Variants in ATE1 observed in about 807,000 individuals in gnomAD.
ATE1 encodes arginyltransferase 1.
A neutral mutation model predicts 70.5 loss-of-function variants in ATE1; 36 were observed. The observed-to-expected ratio is 0.51, with a 90% CI of 0.39 to 0.67. ATE1 has a LOEUF of 0.67. Among genes scored for constraint, ATE1 ranks in the 30% least tolerant of loss-of-function variants. The pLI is 0.00. For missense variants in ATE1, 593 were observed against 629.5 expected (o/e 0.94, Z 0.62); for synonymous variants, 232 against 219.3 (o/e 1.06, Z -0.51).
chr10:121,916,246 CA>C (rs202202584), intron 3 of ATE1, among the ~76,000 whole-genome samples: 1 of 151,576 alleles, frequency 6.6e-6, no homozygotes, highest in African/African-American at 2.4e-5. Context: ...AAAACAACAA[CA>C]AAAAAAAGGA....
chr10:121,829,433 C>G (rs6585763), intron 10 of ATE1, among the ~76,000 whole-genome samples: 130,863 of 150,230 alleles, frequency 0.87, 57,332 homozygotes, highest in Middle Eastern at 0.94. Flanking sequence ...AAAAAGAAAA[C>G]AAAAAAAAAG....
intron 11 of ATE1, among the ~76,000 whole-genome samples, chr10:121,761,040 A>C (rs1945018628): frequency 6.6e-6 from 1 of 152,126 alleles, no homozygotes; most frequent in Non-Finnish European, 1.5e-5. Flanking sequence ...TCATTCTATT[A>C]GTTCCCACAA....
intron 10 of ATE1, among the ~76,000 whole-genome samples, chr10:121,827,007 G>A (rs1038196709): frequency 1.4e-5 from 2 of 141,402 alleles, no homozygotes; most frequent in South Asian, 2.3e-4. Flanking sequence ...CTTTACTGTT[G>A]ATGGGCAATA....
At chr10:121,886,637 CATTT>C (rs1401337129) in intron 7 of ATE1, among the ~76,000 whole-genome samples, 1 of 152,136 alleles carries the variant, frequency 6.6e-6, no homozygotes, top group African/African-American at 2.4e-5. Flanking sequence ...GTATAGCTCA[CATTT>C]ATTTCAATGT....
chr10:121,819,038 T>G (rs1324969340), intron 10 of ATE1, among the ~76,000 whole-genome samples: 1 of 152,240 alleles, frequency 6.6e-6, no homozygotes, highest in Non-Finnish European at 1.5e-5. Context: ...TTAAAATTAA[T>G]GTTTCTATGA....
At chr10:121,865,224 G>C (rs1426019381) in intron 8 of ATE1, among the ~76,000 whole-genome samples, 5 of 152,074 alleles carry the variant, frequency 3.3e-5, no homozygotes, top group Admixed American at 3.3e-4. Flanking sequence ...TAAGGGAAGT[G>C]GAAAGCACAG....
rs10603053 is a variant in ATE1 at position 121,851,090 on chromosome 10, C to CAAAAAAAAAA, written c.976-9837_976-9828dup. 4.4e-4 allele frequency among the ~76,000 whole-genome samples: 19 copies of CAAAAAAAAAA among 43,222 alleles called. 2 individuals are homozygous for CAAAAAAAAAA. Among genetic ancestry groups the CAAAAAAAAAA allele is most frequent in the African/African-American group, 7.9e-4 (8 of 10,128 alleles). The allele number at this position is 43,222 out of a possible 152,430, so 28.4% of individuals were successfully genotyped here. On this transcript the variant is annotated intron_variant, in intron 8 of 11. Transcript: ENST00000224652. ...TGGGCCACAAAGCGAGACTCCATCT[C>CAAAAAAAAAA]AAAAAAAAAAAAAAAAAAAAAAAAA...
At chr10:121,834,291 T>C (rs140568056) in intron 10 of ATE1, among the ~76,000 whole-genome samples, 85 of 152,310 alleles carry the variant, frequency 5.6e-4, no homozygotes, top group African/African-American at 1.9e-3. Flanking sequence ...ACCACTAGAA[T>C]GGAAGTTCCA....
intron 10 of ATE1, among the ~76,000 whole-genome samples, chr10:121,816,849 A>G (rs1470309016): frequency 6.6e-6 from 1 of 152,254 alleles, no homozygotes; most frequent in Non-Finnish European, 1.5e-5. Flanking sequence ...GAAGCCTTTC[A>G]TCCAAACATA....
intron 7 of ATE1, among the ~76,000 whole-genome samples, chr10:121,897,971 C>A (rs1481908459): frequency 6.6e-6 from 1 of 152,110 alleles, no homozygotes; most frequent in Non-Finnish European, 1.5e-5. Context: ...AGGGAACATG[C>A]AGCATTAACT....
chr10:121,928,425 A>C, upstream of ATE1: 3 of 1,520,530 alleles, frequency 2.0e-6, no homozygotes, highest in Non-Finnish European at 2.6e-6. Context: ...TCCACCACCG[A>C]CGCCATGGCC....
Position 121,904,627 on chromosome 10 carries a change from C to A in ATE1, c.584-2007G>T, listed in dbSNP as rs1334373799. 5.2e-5 allele frequency among the ~76,000 whole-genome samples: 6 copies of A among 115,232 alleles called. No individual in the cohort carries two copies. In the Admixed American group the frequency reaches 6.2e-4, roughly 12 times the overall value. The allele number at this position is 115,232 out of a possible 152,430, so 75.6% of individuals were successfully genotyped here. A position where few individuals can be genotyped will look rare whatever the true frequency, so the allele number is the denominator to read the frequency against. Reference sequence around the variant, plus strand: ...CTGCACTCCAGCCTGGGTGACAGAGCGAGACTCCGTCTCAAAAAAAAAAAA... The same window carrying A: ...CTGCACTCCAGCCTGGGTGACAGAGAGAGACTCCGTCTCAAAAAAAAAAAA... On this transcript the variant is annotated intron_variant, in intron 5 of 11. Transcript: ENST00000224652.
chr10:121,884,642 G>T (rs902566171), intron 7 of ATE1, among the ~76,000 whole-genome samples: 8 of 152,084 alleles, frequency 5.3e-5, no homozygotes, highest in African/African-American at 1.9e-4. Context: ...GAGAAGAAAC[G>T]GAAGGAAAGA....
intron 10 of ATE1, among the ~76,000 whole-genome samples, chr10:121,812,678 A>AT (rs1266586494): frequency 1.3e-5 from 2 of 152,152 alleles, no homozygotes; most frequent in African/African-American, 2.4e-5. Context: ...ACATTTTCTG[A>AT]TTTTTTATAA....
At chr10:121,744,385 C>T (rs1481157417) in intron 11 of ATE1, among the ~76,000 whole-genome samples, 1 of 151,756 alleles carries the variant, frequency 6.6e-6, no homozygotes, top group Admixed American at 6.6e-5. Context: ...TGATAAAGAC[C>T]CTCCAGGATG....
intron 8 of ATE1, among the ~76,000 whole-genome samples, chr10:121,852,415 T>C (rs1177554868): frequency 6.6e-6 from 1 of 152,110 alleles, no homozygotes; most frequent in Non-Finnish European, 1.5e-5. Context: ...TATTTTTTTT[T>C]AACAGTTTCA....
intron 8 of ATE1, among the ~76,000 whole-genome samples, chr10:121,864,742 A>AT (rs201289415): frequency 5.3e-5 from 8 of 150,756 alleles, no homozygotes; most frequent in Non-Finnish European, 7.4e-5. Flanking sequence ...ACCTCTTTGT[A>AT]TTTTTTTTTA....
upstream of ATE1, chr10:121,928,224 C>G: frequency 1.5e-6 from 2 of 1,335,710 alleles, no homozygotes; most frequent in Non-Finnish European, 1.9e-6. Context: ...GGAAGGGAAA[C>G]AGGATGGGGA....
intron 8 of ATE1, among the ~76,000 whole-genome samples, chr10:121,844,222 G>A (rs1039571407): frequency 6.6e-6 from 1 of 152,202 alleles, no homozygotes; most frequent in Non-Finnish European, 1.5e-5. Context: ...CTAAGATCGT[G>A]CCACTGCACT....
Sources: allele counts gnomAD v4.1 joint callset (sites outside exome capture counted in the v4.1 genomes callset), GRCh38; gene constraint gnomAD v4.1.1; transcripts MANE v1.5; gene names NCBI Gene and HGNC (gene_info 2026-07-23, HGNC 2026-07-21).